Variants in MOSMO observed in about 807,000 individuals in gnomAD.
MOSMO encodes the protein modulator of smoothened.
A neutral mutation model predicts 18.4 loss-of-function variants in MOSMO; 5 were observed. The ratio of observed to expected loss-of-function variants is 0.27; its 90% CI spans 0.14 to 0.57. MOSMO has a LOEUF of 0.57. Ranked by LOEUF, MOSMO falls within the 20% of genes least tolerant of loss-of-function variation. MOSMO has a pLI of 0.92. For synonymous variants in MOSMO, 82 were observed against 82.3 expected, an observed-to-expected ratio of 1.00 and a Z score of 0.02; for missense variants, 138 against 211.8, an observed-to-expected ratio of 0.65 and a Z score of 2.16.
chr16:22,064,596 T>C (rs1466328813), intron 1 of MOSMO, among the ~76,000 whole-genome samples: 1 of 152,250 alleles, frequency 6.6e-6, no homozygotes, highest in Non-Finnish European at 1.5e-5. Context: ...TCTTAATTTC[T>C]TTTAGATCCA....
intron 1 of MOSMO, among the ~76,000 whole-genome samples, chr16:22,009,300 C>T (rs936682599): frequency 1.3e-5 from 2 of 152,110 alleles, no homozygotes; most frequent in Non-Finnish European, 2.9e-5. Context: ...ATTACAGTTG[C>T]AGGCAGCCCG....
chr16:22,048,203 C>G (rs1900353125), intron 1 of MOSMO, among the ~76,000 whole-genome samples: 1 of 152,174 alleles, frequency 6.6e-6, no homozygotes, highest in Non-Finnish European at 1.5e-5. Flanking sequence ...AGATGTTACT[C>G]TACATCTGTG....
chr16:22,080,031 G>C (rs1901046929), intron 2 of MOSMO, among the ~76,000 whole-genome samples: 2 of 152,094 alleles, frequency 1.3e-5, no homozygotes, highest in Non-Finnish European at 2.9e-5. Context: ...TTATCCGCCC[G>C]CCTCGGCCCC....
chr16:22,022,388 C>T (rs557193063), intron 1 of MOSMO, among the ~76,000 whole-genome samples: 1 of 152,248 alleles, frequency 6.6e-6, no homozygotes, highest in South Asian at 2.1e-4. Context: ...CTATCTTCTT[C>T]CAGCTCAGTG....
At chr16:22,075,390 G>T in intron 1 of MOSMO, 97 bp from the exon 2 acceptor site, 1 of 832,518 alleles carries the variant, frequency 1.2e-6, no homozygotes, top group Non-Finnish European at 1.8e-6. Flanking sequence ...CCCACGAAGA[G>T]ATAAATGAGA....
At chr16:22,021,544 C>T (rs1597998080) in intron 1 of MOSMO, among the ~76,000 whole-genome samples, 2 of 152,102 alleles carry the variant, frequency 1.3e-5, no homozygotes, top group East Asian at 3.9e-4. Context: ...CACCTGTAAT[C>T]CCAACACTCT....
chr16:22,044,786 A>T (rs1900275786), intron 1 of MOSMO, among the ~76,000 whole-genome samples: 1 of 152,146 alleles, frequency 6.6e-6, no homozygotes, highest in South Asian at 2.1e-4. Flanking sequence ...ACTGTCTCCT[A>T]ACCATTATTC....
At chr16:22,068,066 T>G (rs1333915955) in intron 1 of MOSMO, among the ~76,000 whole-genome samples, 2 of 152,172 alleles carry the variant, frequency 1.3e-5, no homozygotes, top group African/African-American at 4.8e-5. Context: ...AAAAGGATAC[T>G]AGTCAATATT....
chr16:22,056,613 A>G (rs1013422459), intron 1 of MOSMO, among the ~76,000 whole-genome samples: 3 of 150,984 alleles, frequency 2.0e-5, no homozygotes, highest in Non-Finnish European at 4.4e-5. Context: ...CAAGCTCCCG[A>G]CCTTAGGTGA....
chr16:22,079,045 G>A (rs1242027925), intron 2 of MOSMO, among the ~76,000 whole-genome samples: 1 of 152,174 alleles, frequency 6.6e-6, no homozygotes, highest in East Asian at 1.9e-4. Flanking sequence ...TAAGAGTGCT[G>A]TTGTTTCTTA....
chr16:22,052,497 C>G lies in MOSMO; in HGVS notation c.107-22990C>G, dbSNP rs565004918. ...GATGTGTATGAACCTTATAACCTAC[C>G]AGTTTTACTTATTAACAGATTCTAG... is the stretch of plus-strand genomic sequence containing the variant. On this transcript the variant is annotated intron_variant, in intron 1 of 2. Transcript: ENST00000542527. 3.3e-5 allele frequency among the ~76,000 whole-genome samples: 5 copies of G among 152,234 alleles called. No individual in the cohort carries two copies. In the South Asian group the frequency reaches 1.0e-3, roughly 32 times the overall value.
intron 1 of MOSMO, among the ~76,000 whole-genome samples, chr16:22,042,042 C>T (rs1567506343): frequency 6.6e-6 from 1 of 152,064 alleles, no homozygotes. Flanking sequence ...TTGAGATGTT[C>T]GGAACTGAGT....
chr16:22,062,581 G>A (rs541458990), intron 1 of MOSMO, among the ~76,000 whole-genome samples: 39 of 152,282 alleles, frequency 2.6e-4, no homozygotes, highest in African/African-American at 8.4e-4. Flanking sequence ...GTCTCCCAAA[G>A]GGCTGGGATT....
chr16:22,028,519 C>T (rs1008173022), intron 1 of MOSMO, among the ~76,000 whole-genome samples: 5 of 151,892 alleles, frequency 3.3e-5, no homozygotes, highest in Admixed American at 2.0e-4. Flanking sequence ...TCTTGCAAAA[C>T]CAAAACTCTA....
Position 22,075,622 on chromosome 16 carries a change from T to C in MOSMO, c.242T>C (p.Val81Ala). 1 of 1,537,436 alleles carries C rather than the reference T, an allele frequency of 6.5e-7. No homozygotes were observed. The highest frequency in any genetic ancestry group is 1.2e-5 in the South Asian group (1 of 84,070). The change falls in exon 2 of 3, where the codon GTC (valine) becomes GCC (alanine). Residue 81 changes from valine to alanine, a missense_variant. Coordinates refer to ENST00000542527, the MANE Select transcript of MOSMO (RefSeq NM_001164579.2). ...ATCATGGGAATCATTTCATTGACTG[T>C]CACATGTGGTTTGCTGGTGGCTTCC... ...FIIMGIISLTVTCGLLVASHW... is the reference protein window; with the variant it reads ...FIIMGIISLTATCGLLVASHW...
At chr16:22,046,650 A>G (rs1900314893) in intron 1 of MOSMO, among the ~76,000 whole-genome samples, 1 of 152,164 alleles carries the variant, frequency 6.6e-6, no homozygotes, top group Non-Finnish European at 1.5e-5. Flanking sequence ...AATTGGGACC[A>G]TTTTAAACAG....
At chr16:22,036,157 C>T (rs1431925342) in intron 1 of MOSMO, among the ~76,000 whole-genome samples, 2 of 152,052 alleles carry the variant, frequency 1.3e-5, no homozygotes, top group Non-Finnish European at 2.9e-5. Context: ...GACAGAGTCT[C>T]GCTCTCTCTC....
At chr16:22,029,652 G>T (rs940082821) in intron 1 of MOSMO, among the ~76,000 whole-genome samples, 3 of 152,066 alleles carry the variant, frequency 2.0e-5, no homozygotes, top group African/African-American at 7.2e-5. Context: ...TAGAGACAGG[G>T]TTTCTCCCTG....
In MOSMO at chr16:22,083,478, T is replaced by A. The variant is rs1410661905; in HGVS notation, c.*2598T>A. 1 of 305,784 alleles carries A rather than the reference T, an allele frequency of 3.3e-6. No individual in the cohort carries two copies. Among genetic ancestry groups the A allele is most frequent in the Non-Finnish European group, 6.1e-6 (1 of 162,616 alleles). The allele number at this position is 305,784 out of a possible 1,614,324, so 18.9% of individuals were successfully genotyped here. ...AGACCAGACATTGAAATGGATTCAT[T>A]CATATAGATTTCTATAAATCCTATA... On this transcript the variant is annotated 3_prime_UTR_variant, in exon 3 of 3. Transcript: ENST00000542527.
Sources: gnomAD v4.1 joint callset for allele counts (sites outside exome capture counted in the v4.1 genomes callset) on GRCh38, gnomAD v4.1.1 for gene constraint, MANE v1.5 for transcripts, NCBI Gene and HGNC (gene_info 2026-07-23, HGNC 2026-07-21) for gene names.